SDHA: variants seen among roughly 807,000 people sequenced by gnomAD.
SDHA encodes succinate dehydrogenase [ubiquinone] flavoprotein subunit, mitochondrial.
In SDHA, 48 loss-of-function variants were observed where a neutral mutation model predicts 78.4. The ratio of observed to expected loss-of-function variants is 0.61; its 90% CI spans 0.49 to 0.78. The LOEUF is 0.78. Ranked by LOEUF, SDHA falls within the 30% of genes least tolerant of loss-of-function variation. The pLI, the probability that SDHA is intolerant of heterozygous loss-of-function variation, is 0.00. For missense variants in SDHA, 680 were observed against 892.7 expected, an observed-to-expected ratio of 0.76 and a Z score of 3.04; for synonymous variants, 326 against 353.9, an observed-to-expected ratio of 0.92 and a Z score of 0.88.
chr5:231,204 C>T (rs1560992787), intron 7 of SDHA, among the ~76,000 whole-genome samples: 1 of 152,158 alleles, frequency 6.6e-6, no homozygotes, highest in Non-Finnish European at 1.5e-5. Flanking sequence ...GTTTGGGCCA[C>T]CGTCTTATGT....
chr5:239,492 G>C (rs1012454668), intron 10 of SDHA, among the ~76,000 whole-genome samples: 24 of 152,002 alleles, frequency 1.6e-4, no homozygotes, highest in South Asian at 4.1e-4. Context: ...CGGAGATGGA[G>C]GTTGCAGTGA....
At chr5:252,708 C>G in intron 13 of SDHA, among the ~76,000 whole-genome samples, 1 of 151,616 alleles carries the variant, frequency 6.6e-6, no homozygotes, top group African/African-American at 2.4e-5. Context: ...TCAAGCCTGC[C>G]CTGTGGAGGA....
chr5:243,376 C>T (rs916383130), intron 11 of SDHA, among the ~76,000 whole-genome samples: 1 of 152,286 alleles, frequency 6.6e-6, no homozygotes, highest in African/African-American at 2.4e-5. Flanking sequence ...TCAGTTCTTA[C>T]AATTTAAAAC....
intron 10 of SDHA, 89 bp downstream of exon 10, chr5:236,688 A>G: frequency 1.5e-6 from 2 of 1,340,750 alleles, no homozygotes; most frequent in African/African-American, 1.5e-5. Flanking sequence ...GGGTCAGCCC[A>G]GGCTGGAGTG....
chr5:253,395 A>G (rs1478133467), intron 13 of SDHA, among the ~76,000 whole-genome samples: 2 of 152,202 alleles, frequency 1.3e-5, no homozygotes, highest in African/African-American at 4.8e-5. Flanking sequence ...TGCAAAGTAT[A>G]TGAATCCGTG....
the SDHA span, among the ~76,000 whole-genome samples, chr5:263,951 T>C: frequency 6.6e-6 from 1 of 152,194 alleles, no homozygotes; most frequent in African/African-American, 2.4e-5. Flanking sequence ...CACTGTGGCA[T>C]TTGTAAAACT....
intron 6 of SDHA, 74 bp from the exon 7 acceptor site, chr5:230,802 A>T: frequency 6.3e-7 from 1 of 1,589,678 alleles, no homozygotes; most frequent in Non-Finnish European, 8.6e-7. Context: ...TGCCGTGTCC[A>T]TTCTGTGATC....
chr5:222,900 G>A (rs1734797737), intron 1 of SDHA, among the ~76,000 whole-genome samples: 1 of 152,198 alleles, frequency 6.6e-6, no homozygotes, highest in African/African-American at 2.4e-5. Flanking sequence ...GCCAGGCAGG[G>A]GAGAGTGTGC....
chr5:265,820 C>G, the SDHA span, among the ~76,000 whole-genome samples: 1 of 141,800 alleles, frequency 7.1e-6, no homozygotes, highest in Non-Finnish European at 1.6e-5. Context: ...GATTCTGTCT[C>G]AAAAAAAAAA....
intron 10 of SDHA, among the ~76,000 whole-genome samples, chr5:239,753 T>C (rs1218373328): frequency 6.6e-6 from 1 of 150,680 alleles, no homozygotes; most frequent in Non-Finnish European, 1.5e-5. Context: ...ACTTAATATA[T>C]ATAAATTTGT....
chr5:225,769 A>C, intron 4 of SDHA, 114 bp from the exon 5 acceptor site: 4 of 1,439,502 alleles, frequency 2.8e-6, no homozygotes, highest in Non-Finnish European at 3.9e-6. Flanking sequence ...ATTTTCATAA[A>C]ATAGGTTACT....
At chr5:264,654 T>C in the SDHA span, among the ~76,000 whole-genome samples, 5 of 152,212 alleles carry the variant, frequency 3.3e-5, no homozygotes, top group Non-Finnish European at 7.3e-5. Flanking sequence ...CTAGGCAGCA[T>C]CACAGGGTTC....
downstream of SDHA, among the ~76,000 whole-genome samples, chr5:259,770 C>G (rs1737416140): frequency 2.7e-5 from 1 of 37,152 alleles, no homozygotes; most frequent in Non-Finnish European, 4.6e-5. Context: ...CCGAGCATTA[C>G]CGTGTGAGCT....
chr5:222,573 C>A (rs1734782064), intron 1 of SDHA, among the ~76,000 whole-genome samples: 1 of 152,102 alleles, frequency 6.6e-6, no homozygotes, highest in Non-Finnish European at 1.5e-5. Context: ...CTCCTGACTT[C>A]AGGTGATCCA....
chr5:250,647 G>C (rs1316664214), intron 11 of SDHA: 2 of 362,952 alleles, frequency 5.5e-6, no homozygotes, highest in African/African-American at 4.3e-5. Context: ...TCCCGCCAGG[G>C]GTGTGGAGAG....
intron 10 of SDHA, among the ~76,000 whole-genome samples, chr5:237,970 G>A (rs1735887193): frequency 7.3e-6 from 1 of 136,126 alleles, no homozygotes; most frequent in Non-Finnish European, 1.5e-5. Context: ...TCACTCCATA[G>A]CCCTGCACTT....
At chr5:261,542 G>A (rs1277835254), downstream of SDHA, among the ~76,000 whole-genome samples, 1 of 30,768 alleles carries the variant, frequency 3.3e-5, no homozygotes, top group Non-Finnish European at 6.5e-5. Flanking sequence ...TGTGAGCTCC[G>A]CCTCCCGTCA....
rs80177913 is a variant in SDHA, at chr5:235,506, G to A, written c.1260+167G>A. 1,812 of 727,380 alleles carry A rather than the reference G, an allele frequency of 2.5e-3. 23 individuals carry two copies. In the African/African-American group the frequency reaches 0.028, roughly 11 times the overall value. The allele number at this position is 727,380 out of a possible 1,614,324, so 45.1% of individuals were successfully genotyped here. On this transcript the variant is annotated intron_variant, in intron 9 of 14. Transcript: ENST00000264932. ...TAAATTTCTATTACCGGAGGATGGA[G>A]GGGGCTTAATAATTTATTCCTCCTT...
intron 11 of SDHA, chr5:249,906 A>G (rs1736708029): frequency 6.6e-6 from 1 of 152,258 alleles, no homozygotes; most frequent in Non-Finnish European, 1.5e-5. Context: ...AGAATGTAGT[A>G]AGGTGTCTGG....
Sources: gnomAD v4.1 joint callset for allele counts (sites outside exome capture counted in the v4.1 genomes callset) on GRCh38, gnomAD v4.1.1 for gene constraint, MANE v1.5 for transcripts, NCBI Gene and HGNC (gene_info 2026-07-23, HGNC 2026-07-21) for gene names.